CRISPLD2: variants seen among roughly 807,000 people sequenced by gnomAD.
CRISPLD2 encodes cysteine-rich secretory protein LCCL domain-containing 2.
Under a neutral mutation model 71.1 loss-of-function variants are expected in CRISPLD2, and 47 were observed. The observed-to-expected ratio is 0.66, with a 90% CI of 0.52 to 0.84. The LOEUF is 0.84. Ranked by LOEUF, CRISPLD2 falls within the 40% of genes least tolerant of loss-of-function variation. The pLI is 0.00. For missense variants in CRISPLD2, 830 were observed against 651.1 expected (o/e 1.27, Z -2.99); for synonymous variants, 317 against 250.1 (o/e 1.27, Z -2.52).
chr16:84,849,272 C>T, intron 3 of CRISPLD2, 113 bp from the exon 4 acceptor site: 3 of 1,041,242 alleles, frequency 2.9e-6, no homozygotes, highest in Non-Finnish European at 4.1e-6. Flanking sequence ...CTGGAATTGG[C>T]CGCTATTCAC....
chr16:84,825,706 A>G (rs1293828793), intron 1 of CRISPLD2, among the ~76,000 whole-genome samples: 1 of 151,916 alleles, frequency 6.6e-6, no homozygotes, highest in East Asian at 1.9e-4. Context: ...CAGTGAGCCA[A>G]GATCACACAC....
chr16:84,880,124 G>A (rs1291060832), intron 12 of CRISPLD2, among the ~76,000 whole-genome samples: 1 of 152,170 alleles, frequency 6.6e-6, no homozygotes, highest in Non-Finnish European at 1.5e-5. Context: ...AGCGGCCTTA[G>A]AAAAAGTCTC....
chr16:84,830,907 C>T (rs1383060227), intron 1 of CRISPLD2, among the ~76,000 whole-genome samples: 2 of 152,144 alleles, frequency 1.3e-5, no homozygotes, highest in African/African-American at 2.4e-5. Context: ...TGACTTCACA[C>T]TGGTTGCTTG....
At chr16:84,886,753 T>C (rs1224291073) in intron 13 of CRISPLD2, among the ~76,000 whole-genome samples, 2 of 152,160 alleles carry the variant, frequency 1.3e-5, no homozygotes, top group African/African-American at 4.8e-5. Flanking sequence ...AGGTCAAAGC[T>C]CTGATGAGCC....
intron 6 of CRISPLD2, among the ~76,000 whole-genome samples, chr16:84,862,804 C>T (rs1363754986): frequency 2.0e-5 from 3 of 150,436 alleles, no homozygotes; most frequent in East Asian, 2.0e-4. Flanking sequence ...CTGGTGGGTT[C>T]TGGAGTGAAG....
At chr16:84,831,290 T>C (rs962260084) in intron 1 of CRISPLD2, among the ~76,000 whole-genome samples, 1 of 152,136 alleles carries the variant, frequency 6.6e-6, no homozygotes, top group African/African-American at 2.4e-5. Flanking sequence ...ACCTGGCACA[T>C]GACATCTTGG....
intron 6 of CRISPLD2, among the ~76,000 whole-genome samples, chr16:84,859,425 G>A (rs966373882): frequency 6.6e-6 from 1 of 152,146 alleles, no homozygotes; most frequent in African/African-American, 2.4e-5. Context: ...TTTCCCCAGT[G>A]CACGGTTTCC....
rs1345639536 is a variant in CRISPLD2, at chr16:84,889,226, C to T, written c.1306-4C>T. Reference sequence around the variant, plus strand: ...GCTGATCACAGCCCTTCCTGTGCTTCCAGACCTCAAGCATCTGCAAGACAG... The same window carrying T: ...GCTGATCACAGCCCTTCCTGTGCTTTCAGACCTCAAGCATCTGCAAGACAG... On this transcript the variant is annotated splice_polypyrimidine_tract_variant and splice_region_variant and intron_variant, in intron 13 of 14. Transcript: ENST00000262424. 1 of 1,614,072 alleles carries T rather than the reference C, an allele frequency of 6.2e-7. No homozygotes were observed. The highest frequency in any genetic ancestry group is 1.7e-5 in the Admixed American group (1 of 60,028).
At chr16:84,841,398 G>A (rs767330840) in intron 2 of CRISPLD2, among the ~76,000 whole-genome samples, 12 of 152,148 alleles carry the variant, frequency 7.9e-5, no homozygotes, top group Non-Finnish European at 1.2e-4. Flanking sequence ...CAGGGCCATG[G>A]CTCATTTCTG....
intron 6 of CRISPLD2, among the ~76,000 whole-genome samples, chr16:84,860,554 G>A (rs1917351661): frequency 6.6e-6 from 1 of 151,900 alleles, no homozygotes; most frequent in African/African-American, 2.4e-5. Flanking sequence ...GGCAGTGCAG[G>A]GTTTATCCCC....
chr16:84,851,557 C>T (rs765139415), intron 5 of CRISPLD2, among the ~76,000 whole-genome samples: 1 of 152,182 alleles, frequency 6.6e-6, no homozygotes, highest in African/African-American at 2.4e-5. Context: ...AAGGGGGAAT[C>T]GCTGAGGTTG....
rs537819550 is a variant in CRISPLD2, at chr16:84,868,955, T to G, written c.914+44T>G. On this transcript the variant is annotated intron_variant, in intron 8 of 14. Coordinates refer to ENST00000262424, the MANE Select transcript of CRISPLD2 (RefSeq NM_031476.4). The stretch of plus-strand genomic sequence containing the variant: ...GTCCTGCCACTGTAGCCTCTGAGTC[T>G]GTGCTGGGCTGTCCTACCACTGTGG... 7.2e-6 allele frequency: 11 copies of G among 1,524,558 alleles called. No homozygotes were observed. The South Asian group carries it at 1.2e-4, about 17-fold the overall frequency. The allele number at this position is 1,524,558 out of a possible 1,614,324, so 94.4% of individuals were successfully genotyped here. A position where few individuals can be genotyped will look rare whatever the true frequency, so the allele number is the denominator to read the frequency against.
chr16:84,828,720 A>G (rs1271943442), intron 1 of CRISPLD2, among the ~76,000 whole-genome samples: 1 of 152,178 alleles, frequency 6.6e-6, no homozygotes, highest in Non-Finnish European at 1.5e-5. Flanking sequence ...CTTGGCTTGC[A>G]TCGAATGCAC....
At position 84,849,365 on chromosome 16, in the gene CRISPLD2, G is replaced by GTT. The variant is rs765087699; in HGVS notation, c.360-20_360-19insTT. 1.9e-6 allele frequency: 3 copies of GTT among 1,607,086 alleles called. No individual in the cohort carries two copies. Among genetic ancestry groups the GTT allele is most frequent in the Non-Finnish European group, 1.7e-6 (2 of 1,174,664 alleles). On this transcript the variant is annotated intron_variant, in intron 3 of 14. Coordinates refer to ENST00000262424, the MANE Select transcript of CRISPLD2 (RefSeq NM_031476.4). The stretch of plus-strand genomic sequence containing the variant: ...GTGAGGGGAGGGGCTGGGACTGAGT[G>GTT]AGCGGTTTCTGCCCTGCAGGTATCG...
intron 14 of CRISPLD2, among the ~76,000 whole-genome samples, chr16:84,895,341 C>A (rs542894005): frequency 1.3e-5 from 2 of 152,136 alleles, no homozygotes; most frequent in Non-Finnish European, 2.9e-5. Context: ...GGGGCACAGA[C>A]CCTTCCCAAG....
rs920743676 is a variant in CRISPLD2 at position 84,906,819 on chromosome 16, A to G, written c.*177A>G. ...GACATCTCATCCCCTCACTGAAGCA[A>G]CAGCATCCCAAGGTGCTCAGCCGGA... On this transcript the variant is annotated 3_prime_UTR_variant, in exon 15 of 15. Coordinates refer to ENST00000262424, the MANE Select transcript of CRISPLD2 (RefSeq NM_031476.4). The G allele has an allele frequency of 2.1e-5, 16 of 756,140 alleles. No individual in the cohort carries two copies. The African/African-American group carries it at 2.6e-4, about 12-fold the overall frequency. 46.8% of individuals were successfully genotyped at this position (756,140 alleles called of 1,614,324 possible). A position where few individuals can be genotyped will look rare whatever the true frequency, so the allele number is the denominator to read the frequency against.
At chr16:84,831,351 C>A (rs185374379) in intron 1 of CRISPLD2, among the ~76,000 whole-genome samples, 4 of 152,134 alleles carry the variant, frequency 2.6e-5, no homozygotes, top group Non-Finnish European at 4.4e-5. Context: ...AGCTAATATA[C>A]GTTTCAAATT....
rs1373961255 is a variant in CRISPLD2, at chr16:84,838,708, G to A, written c.213G>A (p.Gln71=). ...ACAACAAGCTTCGGGGCCAGGTGCA[G>A]CCTCAGGCCTCCAACATGGAGTACA... is the stretch of plus-strand genomic sequence containing the variant. ...MLHNKLRGQV[Q]PQASNMEYMT... is the part of the protein sequence containing the mutation. The change falls in exon 2 of 15, where the codon CAG becomes CAA. Residue 71 remains glutamine, a synonymous_variant. Transcript: ENST00000262424. The A allele has an allele frequency of 6.2e-7, 1 of 1,613,880 alleles. No individual in the cohort carries two copies. Among genetic ancestry groups the A allele is most frequent in the East Asian group, 2.2e-5 (1 of 44,886 alleles).
In CRISPLD2 at chr16:84,845,922, C is replaced by T. The variant is rs536498915; in HGVS notation, c.359+18C>T. The stretch of plus-strand genomic sequence containing the variant: ...TGGGGCAGGTAAGAGCCACAAGTTC[C>T]TCTCCGGCTGCCGCAGGACCCCACT... On this transcript the variant is annotated intron_variant, in intron 3 of 14. Transcript: ENST00000262424. 2 of 1,539,898 alleles carry T rather than the reference C, an allele frequency of 1.3e-6. No homozygotes were observed. Among genetic ancestry groups the T allele is most frequent in the Non-Finnish European group, 1.8e-6 (2 of 1,114,748 alleles).
Sources: allele counts gnomAD v4.1 joint callset (sites outside exome capture counted in the v4.1 genomes callset), GRCh38; gene constraint gnomAD v4.1.1; transcripts MANE v1.5; gene names NCBI Gene and HGNC (gene_info 2026-07-23, HGNC 2026-07-21).